IQCM: variants seen among roughly 807,000 people sequenced by gnomAD.
IQCM encodes IQ motif containing M.
IQCM carries 45 observed loss-of-function variants against 57.6 expected under a neutral mutation model. That is an observed-to-expected ratio of 0.78 (90% CI 0.62 to 1.00). IQCM has a LOEUF of 1.00. Ranked by LOEUF, IQCM falls within the 50% of genes least tolerant of loss-of-function variation. The probability of loss-of-function intolerance (pLI) is 0.00; values close to 1 mark genes in which losing one functional copy is unlikely to be tolerated. For synonymous variants in IQCM, 148 were observed against 158.9 expected (o/e 0.93, Z 0.51); for missense variants, 468 against 511.6 (o/e 0.91, Z 0.82).
chr4:149,731,335 C>G lies in IQCM; in HGVS notation c.385+1909G>C, dbSNP rs562170863. ...TGTGAAGACACAGCTTTTGTCCCAT[C>G]GAGAGGACAGAGCATTCAAGGTGCC... On this transcript the variant is annotated intron_variant, in intron 5 of 13. Transcript: ENST00000636793. Among the ~76,000 whole-genome samples the G allele has an allele frequency of 1.2e-4, 18 of 152,240 alleles. No individual in the cohort carries two copies. The South Asian group carries it at 3.1e-3, about 26-fold the overall frequency.
chr4:149,581,018 A>G (rs1420581644), intron 9 of IQCM, among the ~76,000 whole-genome samples: 1 of 151,780 alleles, frequency 6.6e-6, no homozygotes, highest in East Asian at 1.9e-4. Flanking sequence ...AGAATAGATC[A>G]ATAGTAATCA....
chr4:149,439,875 T>G (rs1735741129), intron 12 of IQCM, among the ~76,000 whole-genome samples: 1 of 151,978 alleles, frequency 6.6e-6, no homozygotes, highest in African/African-American at 2.4e-5. Context: ...AAGATATTTC[T>G]TTTCACTTTG....
chr4:149,454,659 A>T (rs140583111), intron 12 of IQCM, among the ~76,000 whole-genome samples: 1 of 152,064 alleles, frequency 6.6e-6, no homozygotes, highest in Non-Finnish European at 1.5e-5. Context: ...ATACACTGGA[A>T]TATTATTTGG....
intron 12 of IQCM, among the ~76,000 whole-genome samples, chr4:149,533,773 C>T (rs138181255): frequency 8.9e-4 from 135 of 152,200 alleles, no homozygotes; most frequent in African/African-American, 3.1e-3. Context: ...AATTACCTCC[C>T]ACTGAATCCC....
At chr4:149,468,754 C>G (rs1739159750) in intron 12 of IQCM, among the ~76,000 whole-genome samples, 5 of 152,158 alleles carry the variant, frequency 3.3e-5, no homozygotes, top group Admixed American at 3.3e-4. Flanking sequence ...CTCATACAGC[C>G]AGGTGCCCCT....
intron 2 of IQCM, among the ~76,000 whole-genome samples, chr4:149,761,705 A>G (rs1769533813): frequency 6.6e-6 from 1 of 152,126 alleles, no homozygotes; most frequent in South Asian, 2.1e-4. Flanking sequence ...TCCTACGAAG[A>G]GTCTCTAATA....
intron 12 of IQCM, among the ~76,000 whole-genome samples, chr4:149,473,990 G>A (rs1234694321): frequency 6.6e-6 from 1 of 152,116 alleles, no homozygotes; most frequent in African/African-American, 2.4e-5. Context: ...TCGGGGAAGT[G>A]GGGAGGGATA....
At chr4:149,574,261 T>C (rs145126228) in intron 9 of IQCM, among the ~76,000 whole-genome samples, 164 of 152,112 alleles carry the variant, frequency 1.1e-3, no homozygotes, top group Middle Eastern at 3.4e-3. Context: ...TTCTTTACCA[T>C]AGAATTTTGA....
intron 12 of IQCM, among the ~76,000 whole-genome samples, chr4:149,438,667 G>A (rs372822266): frequency 1.6e-4 from 25 of 152,016 alleles, no homozygotes; most frequent in South Asian, 1.5e-3. Flanking sequence ...GAAAAATTAC[G>A]TACTTCTTGA....
chr4:149,412,494 C>T (rs930014832), intron 13 of IQCM, among the ~76,000 whole-genome samples: 1 of 152,082 alleles, frequency 6.6e-6, no homozygotes, highest in African/African-American at 2.4e-5. Flanking sequence ...TGGTTATAAG[C>T]AGTAGTAGTA....
chr4:149,665,587 T>C (rs560097029), intron 7 of IQCM, among the ~76,000 whole-genome samples: 38 of 152,244 alleles, frequency 2.5e-4, no homozygotes, highest in African/African-American at 8.9e-4. Flanking sequence ...TCTCTCTTTG[T>C]GGGGAGACAA....
At chr4:149,684,526 G>A (rs148122112) in intron 6 of IQCM, among the ~76,000 whole-genome samples, 11 of 151,424 alleles carry the variant, frequency 7.3e-5, no homozygotes, top group Non-Finnish European at 1.0e-4. Flanking sequence ...TTCATAAAGA[G>A]TTGGGTCATT....
intron 2 of IQCM, among the ~76,000 whole-genome samples, chr4:149,792,920 G>A (rs893111032): frequency 8.5e-5 from 13 of 152,076 alleles, no homozygotes; most frequent in Non-Finnish European, 1.3e-4. Flanking sequence ...AGGTTCTACC[G>A]TAGACCCCAC....
intron 12 of IQCM, among the ~76,000 whole-genome samples, chr4:149,448,848 G>C (rs958455101): frequency 2.0e-5 from 3 of 151,674 alleles, no homozygotes; most frequent in Non-Finnish European, 4.4e-5. Context: ...TCCCACAAAA[G>C]ACACCTACAT....
At chr4:149,705,373 C>T (rs536750962) in intron 5 of IQCM, among the ~76,000 whole-genome samples, 8 of 150,724 alleles carry the variant, frequency 5.3e-5, no homozygotes, top group South Asian at 2.1e-4. Flanking sequence ...GGTACAAAAA[C>T]GGAACTTTAA....
intron 9 of IQCM, among the ~76,000 whole-genome samples, chr4:149,566,210 T>C (rs1489595074): frequency 6.6e-6 from 1 of 152,152 alleles, no homozygotes; most frequent in Non-Finnish European, 1.5e-5. Flanking sequence ...AGCATCAAGA[T>C]CTACTATGAA....
intron 13 of IQCM, among the ~76,000 whole-genome samples, chr4:149,422,833 T>C (rs1734206291): frequency 6.6e-6 from 1 of 152,184 alleles, no homozygotes; most frequent in Admixed American, 6.6e-5. Context: ...AAGGTTTAAA[T>C]ATTCTATAGT....
At chr4:149,670,953 TTG>T (rs1491212215) in intron 7 of IQCM, among the ~76,000 whole-genome samples, 3 of 151,892 alleles carry the variant, frequency 2.0e-5, no homozygotes, top group Admixed American at 2.0e-4. Flanking sequence ...TTTTTTTTTT[TTG>T]TTGTGTCTCT....
intron 12 of IQCM, among the ~76,000 whole-genome samples, chr4:149,540,127 C>T (rs189372575): frequency 1.3e-4 from 19 of 151,854 alleles, no homozygotes; most frequent in Non-Finnish European, 2.5e-4. Flanking sequence ...TGAAGAGATA[C>T]TGAGGTGAGC....
Sources: gnomAD v4.1 joint callset for allele counts (sites outside exome capture counted in the v4.1 genomes callset) on GRCh38, gnomAD v4.1.1 for gene constraint, MANE v1.5 for transcripts, NCBI Gene and HGNC (gene_info 2026-07-23, HGNC 2026-07-21) for gene names.